PLB1: variants seen among roughly 807,000 people sequenced by gnomAD.
PLB1 encodes phospholipase B1, membrane-associated.
A neutral mutation model predicts 227.4 loss-of-function variants in PLB1; 242 were observed. The ratio of observed to expected loss-of-function variants is 1.06; its 90% confidence interval spans 0.96 to 1.18. The LOEUF (loss-of-function observed/expected upper bound fraction) is 1.18. Among genes scored for constraint, PLB1 ranks in the 50% most tolerant of loss-of-function variants. The pLI is 0.00. For synonymous variants in PLB1, 757 were observed against 682.2 expected (o/e 1.11, Z -1.71); for missense variants, 1,858 against 1,816.3 (o/e 1.02, Z -0.42).
intron 21 of PLB1, 132 bp from the exon 22 acceptor site, chr2:28,577,974 GC>G (rs1217662128): frequency 7.3e-6 from 6 of 822,462 alleles, no homozygotes; most frequent in Non-Finnish European, 8.2e-6. Context: ...CTGCGACACG[GC>G]CTTCAGTCCA....
intron 57 of PLB1, 46 bp downstream of exon 57, chr2:28,641,047 T>C: frequency 1.3e-5 from 21 of 1,574,522 alleles, no homozygotes; most frequent in Non-Finnish European, 1.7e-5. Context: ...ATGCCTGGGG[T>C]GGGGGTTGTC....
intron 49 of PLB1, among the ~76,000 whole-genome samples, chr2:28,623,082 G>A (rs116571092): frequency 0.013 from 1,923 of 152,294 alleles, 48 homozygotes; most frequent in African/African-American, 0.043. Context: ...AGAGCACACA[G>A]TATGAACTGC....
At chr2:28,576,725 G>T (rs1558806465) in intron 21 of PLB1, among the ~76,000 whole-genome samples, 1 of 152,102 alleles carries the variant, frequency 6.6e-6, no homozygotes, top group Non-Finnish European at 1.5e-5. Flanking sequence ...ACGAGACTCA[G>T]TCTCAAAAAA....
chr2:28,602,036 ATG>A, intron 38 of PLB1, 72 bp downstream of exon 38: 1 of 1,375,824 alleles, frequency 7.3e-7, no homozygotes, highest in Non-Finnish European at 1.0e-6. Flanking sequence ...GGGGGAAAGA[ATG>A]AGAGAAGAAC....
intron 19 of PLB1, among the ~76,000 whole-genome samples, chr2:28,565,936 C>T (rs890595493): frequency 8.5e-5 from 13 of 152,150 alleles, no homozygotes; most frequent in Admixed American, 5.9e-4. Flanking sequence ...GGGCAAGTAA[C>T]CTGACCAAGA....
chr2:28,620,442 C>T (rs541463711), intron 47 of PLB1, 110 bp downstream of exon 47: 5 of 1,353,528 alleles, frequency 3.7e-6, no homozygotes, highest in East Asian at 2.5e-5. Context: ...CAGGTCCCAG[C>T]GCTGAGACAG....
At chr2:28,539,291 C>T in intron 11 of PLB1, 113 bp downstream of exon 11, 6 of 961,354 alleles carry the variant, frequency 6.2e-6, no homozygotes, top group Non-Finnish European at 8.1e-6. Flanking sequence ...GAACAGAGGC[C>T]AAAGGAGGCC....
At chr2:28,534,408 TA>T (rs565786143) in intron 9 of PLB1, among the ~76,000 whole-genome samples, 35 of 151,934 alleles carry the variant, frequency 2.3e-4, no homozygotes, top group Non-Finnish European at 3.8e-4. Context: ...ACCAACATTG[TA>T]AAAAAAATAG....
intron 17 of PLB1, among the ~76,000 whole-genome samples, chr2:28,553,817 A>G (rs1388198039): frequency 5.3e-5 from 8 of 152,156 alleles, no homozygotes; most frequent in Non-Finnish European, 7.4e-5. Context: ...ATTGTTTCTC[A>G]TGGCCTCAGG....
chr2:28,543,247 C>G lies in PLB1; in HGVS notation c.915C>G (p.Ala305=). ...DPRLQDSTTL[A]WHLWNRMMEP... Reference sequence around the variant, plus strand: ...GACTCCAGGATTCTACCACGCTGGCCTGGCATCTCTGGAATAGGATGGTGA... The same window carrying G: ...GACTCCAGGATTCTACCACGCTGGCGTGGCATCTCTGGAATAGGATGGTGA... The change falls in exon 14 of 58, where the codon GCC becomes GCG. Residue 305 remains alanine (A), a synonymous_variant. Transcript: ENST00000327757. 6.2e-7 allele frequency: 1 copy of G among 1,612,576 alleles called. No homozygotes were observed. The highest frequency in any genetic ancestry group is 1.1e-5 in the South Asian group (1 of 90,554).
intron 21 of PLB1, among the ~76,000 whole-genome samples, chr2:28,575,435 G>A (rs927472143): frequency 6.6e-6 from 1 of 152,078 alleles, no homozygotes; most frequent in Non-Finnish European, 1.5e-5. Flanking sequence ...ATGTGGTTTG[G>A]TTCCTAGATT....
chr2:28,640,337 A>C (rs1395995639), intron 56 of PLB1, among the ~76,000 whole-genome samples: 1 of 152,172 alleles, frequency 6.6e-6, no homozygotes, highest in African/African-American at 2.4e-5. Flanking sequence ...CCTGGGATCA[A>C]AGGTATTTAC....
At chr2:28,641,621 C>CA (rs1689985436) in intron 57 of PLB1, among the ~76,000 whole-genome samples, 1 of 152,104 alleles carries the variant, frequency 6.6e-6, no homozygotes, top group Non-Finnish European at 1.5e-5. Flanking sequence ...TAAAGTGCAT[C>CA]AAGCAGCTGT....
At chr2:28,587,766 A>G (rs1403563906) in intron 26 of PLB1, among the ~76,000 whole-genome samples, 1 of 152,170 alleles carries the variant, frequency 6.6e-6, no homozygotes, top group African/African-American at 2.4e-5. Context: ...CTGAAGCCTC[A>G]GTCACATACC....
At chr2:28,600,561 G>A (rs1683703256) in intron 35 of PLB1, among the ~76,000 whole-genome samples, 1 of 152,222 alleles carries the variant, frequency 6.6e-6, no homozygotes, top group Non-Finnish European at 1.5e-5. Context: ...AGGTGACCAT[G>A]AGCAACAAAT....
At chr2:28,586,949 A>G (rs1000634795) in intron 26 of PLB1, among the ~76,000 whole-genome samples, 2 of 151,948 alleles carry the variant, frequency 1.3e-5, no homozygotes, top group Non-Finnish European at 2.9e-5. Flanking sequence ...GGGTTTCACT[A>G]TGTTGCCCAG....
intron 49 of PLB1, among the ~76,000 whole-genome samples, chr2:28,621,826 G>A (rs1042846862): frequency 3.9e-5 from 6 of 152,072 alleles, no homozygotes; most frequent in Non-Finnish European, 7.4e-5. Flanking sequence ...GCTTTATGAG[G>A]TCATTATAGC....
intron 9 of PLB1, among the ~76,000 whole-genome samples, chr2:28,538,044 G>A (rs1440501667): frequency 6.6e-6 from 1 of 152,184 alleles, no homozygotes; most frequent in African/African-American, 2.4e-5. Flanking sequence ...ATCTTGCTCT[G>A]ACTTTGAGTT....
At chr2:28,535,960 C>T (rs1296532528) in intron 9 of PLB1, among the ~76,000 whole-genome samples, 2 of 152,092 alleles carry the variant, frequency 1.3e-5, no homozygotes, top group Non-Finnish European at 2.9e-5. Flanking sequence ...TGTAGAGACC[C>T]AGGGGCCACT....
Sources: gnomAD v4.1 joint callset for allele counts (sites outside exome capture counted in the v4.1 genomes callset) on GRCh38, gnomAD v4.1.1 for gene constraint, MANE v1.5 for transcripts, NCBI Gene and HGNC (gene_info 2026-07-23, HGNC 2026-07-21) for gene names.